LYPD1: variants seen among roughly 807,000 people sequenced by gnomAD.
LYPD1 encodes the protein ly6/PLAUR domain-containing protein 1.
A neutral mutation model predicts 14.2 loss-of-function variants in LYPD1; 14 were observed. The ratio of observed to expected loss-of-function variants is 0.99; its 90% CI spans 0.65 to 1.54. The LOEUF is 1.54. LYPD1 is among the 40% of genes most tolerant of loss of function. The pLI, the probability that LYPD1 is intolerant of heterozygous loss-of-function variation, is 0.00. For missense variants in LYPD1, 165 were observed against 175.7 expected (o/e 0.94, Z 0.34); for synonymous variants, 85 against 70.6 (o/e 1.20, Z -1.02).
chr2:132,658,542 C>A (rs577998023), intron 2 of LYPD1, among the ~76,000 whole-genome samples: 25 of 152,212 alleles, frequency 1.6e-4, no homozygotes, highest in Non-Finnish European at 2.6e-4. Flanking sequence ...AATATCATGA[C>A]AGTGATATTA....
At chr2:132,646,388 C>CCAGAGACTAGGTGAGGTCAGGGA in intron 2 of LYPD1, 108 bp from the exon 3 acceptor site, 1 of 648,926 alleles carries the variant, frequency 1.5e-6, no homozygotes, top group Non-Finnish European at 2.4e-6. Context: ...CTCCCACAGC[C>CCAGAGACTAGGTGAGGTCAGGGA]CAGAGACTAG....
chr2:132,664,012 T>A (rs896649812), intron 2 of LYPD1, among the ~76,000 whole-genome samples: 24 of 152,066 alleles, frequency 1.6e-4, no homozygotes, highest in African/African-American at 5.6e-4. Flanking sequence ...CAGGCAAAAA[T>A]GGAAAAGTAT....
Position 132,645,267 on chromosome 2 carries a change from G to T in LYPD1, c.*778C>A. On this transcript the variant is annotated 3_prime_UTR_variant, in exon 3 of 3. Transcript: ENST00000397463. ...TCTACCTCAGCTCGGTCATCAACCC[G>T]CTCCTGTACACGGTGTCCTCGCAGC... 6.2e-7 allele frequency: 1 copy of T among 1,614,074 alleles called. No homozygotes were observed. The highest frequency in any genetic ancestry group is 8.5e-7 in the Non-Finnish European group (1 of 1,179,998).
Position 132,644,173 on chromosome 2 carries a change from ATC to A in LYPD1, c.*1870_*1871del, listed in dbSNP as rs1681935816. On this transcript the variant is annotated 3_prime_UTR_variant, in exon 3 of 3. Coordinates refer to ENST00000397463, the MANE Select transcript of LYPD1 (RefSeq NM_144586.7). ...TGTTTGTGGTCTATGTAGCATCTTT[ATC>A]TCTGTCAGTCAGAATTGCAGAACTG... 6.6e-6 allele frequency among the ~76,000 whole-genome samples: 1 copy of A among 152,178 alleles called. No individual in the cohort carries two copies. Among genetic ancestry groups the A allele is most frequent in the Admixed American group, 6.5e-5 (1 of 15,278 alleles).
intron 2 of LYPD1, among the ~76,000 whole-genome samples, chr2:132,659,232 A>C (rs1224091649): frequency 1.3e-5 from 2 of 152,188 alleles, no homozygotes; most frequent in Non-Finnish European, 2.9e-5. Flanking sequence ...AATGGTGATA[A>C]ATCTGTTTTA....
In LYPD1 at chr2:132,651,710, A is replaced by G. The variant is rs116962413; in HGVS notation, c.191-5430T>C. Among the ~76,000 whole-genome samples the G allele has an allele frequency of 7.8e-4, 119 of 152,350 alleles. No homozygotes were observed. The East Asian group carries it at 0.018, about 23-fold the overall frequency. On this transcript the variant is annotated intron_variant, in intron 2 of 2. Coordinates refer to ENST00000397463, the MANE Select transcript of LYPD1 (RefSeq NM_144586.7). ...GGTTCTCAATGACAGTTCCAGAATG[A>G]TAGTTAAGCATACCATTTATGTAAG...
chr2:132,645,345 C>A lies in LYPD1; in HGVS notation c.*700G>T, dbSNP rs755489361. Reference sequence around the variant, plus strand: ...TGTGCTGCCGCCTGTCGCTGCAGCACGCCAACCACGAGAAGCGCCTGCGCG... The same window carrying A: ...TGTGCTGCCGCCTGTCGCTGCAGCAAGCCAACCACGAGAAGCGCCTGCGCG... On this transcript the variant is annotated 3_prime_UTR_variant, in exon 3 of 3. Transcript: ENST00000397463. 2 of 1,614,160 alleles carry A rather than the reference C, an allele frequency of 1.2e-6. No individual in the cohort carries two copies. The highest frequency in any genetic ancestry group is 2.2e-5 in the South Asian group (2 of 91,080).
At position 132,645,462 on chromosome 2, in the gene LYPD1, G is replaced by A; in HGVS notation, c.*583C>T. ...GCCAGTCCTCTGCAAGGAGAACTGA[G>A]AAGATTTTCTTAAGCACTTTTCAGA... is the stretch of plus-strand genomic sequence containing the variant. On this transcript the variant is annotated 3_prime_UTR_variant, in exon 3 of 3. Coordinates refer to ENST00000397463, the MANE Select transcript of LYPD1 (RefSeq NM_144586.7). 1 of 1,612,682 alleles carries A rather than the reference G, an allele frequency of 6.2e-7. No homozygotes were observed.
Position 132,667,731 on chromosome 2 carries a change from G to T in LYPD1, c.190+669C>A, listed in dbSNP as rs760179361. On this transcript the variant is annotated intron_variant, in intron 2 of 2. Transcript: ENST00000397463. ...TGGGGTAGGGGGTGAGGAGAGGGTT[G>T]GAAAGTTCTACCTCAGTGAGAAGAT... is the stretch of plus-strand genomic sequence containing the variant. Among the ~76,000 whole-genome samples the T allele has an allele frequency of 6.6e-4, 100 of 152,150 alleles. 1 individual carries two copies. Among genetic ancestry groups the T allele is most frequent in the Non-Finnish European group, 1.9e-4 (13 of 68,026 alleles).
intron 2 of LYPD1, among the ~76,000 whole-genome samples, chr2:132,647,287 G>C (rs986813399): frequency 2.0e-5 from 3 of 152,178 alleles, no homozygotes; most frequent in African/African-American, 7.2e-5. Context: ...GGAGCAGCTG[G>C]GATTTGAACC....
At position 132,645,639 on chromosome 2, in the gene LYPD1, G is replaced by GT. The variant is rs1256741673; in HGVS notation, c.*405_*406insA. ...GCGAGGGAGCCTTGAGTGGGAACTG[G>GT]CCCTCCAGCCCTAAGAAAACGTCAC... On this transcript the variant is annotated 3_prime_UTR_variant, in exon 3 of 3. Transcript: ENST00000397463. The GT allele has an allele frequency of 6.3e-7, 1 of 1,579,332 alleles. No homozygotes were observed. Among genetic ancestry groups the GT allele is most frequent in the African/African-American group, 1.4e-5 (1 of 73,586 alleles).
Position 132,669,224 on chromosome 2 carries a change from C to CT in LYPD1, c.52+656dup, listed in dbSNP as rs1212085109. On this transcript the variant is annotated intron_variant, in intron 1 of 2. Coordinates refer to ENST00000397463, the MANE Select transcript of LYPD1 (RefSeq NM_144586.7). This position sits in a 1 kb window ranked among gnomAD's most constrained non-coding sequence, Gnocchi z 4.3. ...ACCCTGGATCCCCGACCCCGCAGCC[C>CT]TTTCTTCCAGGCCCCGGCTTTCAGG... Among the ~76,000 whole-genome samples the CT allele has an allele frequency of 6.6e-6, 1 of 152,210 alleles. No homozygotes were observed. Among genetic ancestry groups the CT allele is most frequent in the Non-Finnish European group, 1.5e-5 (1 of 68,038 alleles).
At chr2:132,646,657 G>A (rs1403731662) in intron 2 of LYPD1, 1 of 171,656 alleles carries the variant, frequency 5.8e-6, no homozygotes, top group East Asian at 1.6e-4. Context: ...AGGCCCACAA[G>A]CAGTGCTTCT....
rs1371657432 is a variant in LYPD1 at position 132,669,483 on chromosome 2, G to A, written c.52+398C>T. Among the ~76,000 whole-genome samples the A allele has an allele frequency of 6.6e-6, 1 of 152,116 alleles. No homozygotes were observed. The highest frequency in any genetic ancestry group is 1.9e-4 in the East Asian group (1 of 5,158). ...CTTCAGCGTGGCCGCAGGCTGCCTC[G>A]CGCATCGCTCACCTGTCGGCGGCGC... On this transcript the variant is annotated intron_variant, in intron 1 of 2. Transcript: ENST00000397463. This position sits in a 1 kb window ranked among gnomAD's most constrained non-coding sequence, Gnocchi z 4.3.
At chr2:132,657,512 C>CA (rs984930172) in intron 2 of LYPD1, among the ~76,000 whole-genome samples, 3 of 152,148 alleles carry the variant, frequency 2.0e-5, no homozygotes, top group African/African-American at 7.2e-5. Context: ...CAAATTCACC[C>CA]AAATGTAGGG....
intron 2 of LYPD1, among the ~76,000 whole-genome samples, chr2:132,649,780 A>AGGAG (rs1682280689): frequency 6.6e-6 from 1 of 152,190 alleles, no homozygotes; most frequent in Non-Finnish European, 1.5e-5. Flanking sequence ...CAGTTCCACC[A>AGGAG]TTCACATGCT....
intron 2 of LYPD1, among the ~76,000 whole-genome samples, chr2:132,650,945 G>GATCTGGATTTATA (rs1312385938): frequency 6.6e-6 from 1 of 152,144 alleles, no homozygotes; most frequent in Non-Finnish European, 1.5e-5. Context: ...AAGCCCAGGA[G>GATCTGGATTTATA]ATCTGGATTT....
At position 132,647,411 on chromosome 2, in the gene LYPD1, A is replaced by AAGAT. The variant is rs567086923; in HGVS notation, c.191-1135_191-1132dup. On this transcript the variant is annotated intron_variant, in intron 2 of 2. Coordinates refer to ENST00000397463, the MANE Select transcript of LYPD1 (RefSeq NM_144586.7). ...TTTTAGGGGGAGAGGGTTTACTTTG[A>AAGAT]AGATAGCTTTTGTTGTGTATGTATG... is the stretch of plus-strand genomic sequence containing the variant. Among the ~76,000 whole-genome samples the AAGAT allele has an allele frequency of 2.2e-4, 33 of 152,322 alleles. No individual in the cohort carries two copies. The South Asian group carries it at 3.7e-3, about 17-fold the overall frequency.
At chr2:132,665,271 T>C (rs1467482422) in intron 2 of LYPD1, among the ~76,000 whole-genome samples, 1 of 152,256 alleles carries the variant, frequency 6.6e-6, no homozygotes, top group Non-Finnish European at 1.5e-5. Flanking sequence ...ATGGCTGGTA[T>C]TTTTTGGAAA....
Sources: allele counts gnomAD v4.1 joint callset (sites outside exome capture counted in the v4.1 genomes callset), GRCh38; gene constraint gnomAD v4.1.1; non-coding constraint Gnocchi (gnomAD v3.1); transcripts MANE v1.5; gene names NCBI Gene and HGNC (gene_info 2026-07-23, HGNC 2026-07-21).